The following PPP3CC variants were observed in gnomAD, a reference collection of about 807,000 sequenced individuals.
PPP3CC encodes the protein serine/threonine-protein phosphatase 2B catalytic subunit gamma isoform.
A neutral mutation model predicts 60.3 loss-of-function variants in PPP3CC; 35 were observed. The ratio of observed to expected loss-of-function variants is 0.58; its 90% CI spans 0.44 to 0.77. PPP3CC has a LOEUF of 0.77. PPP3CC is among the 30% of genes least tolerant of loss of function. The probability of loss-of-function intolerance (pLI) is 0.00; values close to 1 mark genes in which losing one functional copy is unlikely to be tolerated. For missense variants in PPP3CC, 570 were observed against 628.9 expected (o/e 0.91, Z 1.00); for synonymous variants, 206 against 224.3 (o/e 0.92, Z 0.73).
chr8:22,453,443 T>C (rs1357743684), intron 1 of PPP3CC, among the ~76,000 whole-genome samples: 3 of 152,184 alleles, frequency 2.0e-5, no homozygotes, highest in Non-Finnish European at 4.4e-5. Context: ...TCCCTTGGTA[T>C]ATGTGAGAGC....
rs1273169372 is a variant in PPP3CC, at chr8:22,449,341, TG to T, written c.49+7886del. ...GCCTGCACCTGTGGACCCAGCTACT[TG>T]GGAGGCTGAGGTGGGAGGATCACCT... On this transcript the variant is annotated intron_variant, in intron 1 of 13. Coordinates refer to ENST00000240139, the MANE Select transcript of PPP3CC (RefSeq NM_005605.5). Among the ~76,000 whole-genome samples the T allele has an allele frequency of 7.5e-5, 11 of 146,954 alleles. No individual in the cohort carries two copies. In the East Asian group the frequency reaches 1.8e-3, roughly 24 times the overall value.
intron 1 of PPP3CC, among the ~76,000 whole-genome samples, chr8:22,447,075 A>G (rs953259254): frequency 3.3e-5 from 5 of 150,922 alleles, no homozygotes; most frequent in Non-Finnish European, 7.4e-5. Context: ...TGGCGCGATC[A>G]TGGCTCGCTG....
intron 3 of PPP3CC, among the ~76,000 whole-genome samples, chr8:22,478,334 TA>T (rs1357262332): frequency 1.3e-5 from 2 of 151,438 alleles, no homozygotes; most frequent in Admixed American, 1.3e-4. Context: ...GTATTTTTAG[TA>T]GAGATGGGGT....
At chr8:22,468,104 TC>T (rs1174802326) in intron 1 of PPP3CC, among the ~76,000 whole-genome samples, 1 of 152,128 alleles carries the variant, frequency 6.6e-6, no homozygotes, top group Non-Finnish European at 1.5e-5. Context: ...TTCTAGTCAT[TC>T]TTTTTTTTGT....
At position 22,532,223 on chromosome 8, in the gene PPP3CC, A is replaced by G. The variant is rs1298168153; in HGVS notation, c.1142-2A>G. The stretch of plus-strand genomic sequence containing the variant: ...ACTTACTTATTCTTTGTATTCTCTA[A>G]GGAAGCACTACAGTTCGTAAGGAGA... On this transcript the variant is annotated splice_acceptor_variant, in intron 10 of 13. Coordinates refer to ENST00000240139, the MANE Select transcript of PPP3CC (RefSeq NM_005605.5). LOFTEE classifies it high-confidence loss of function. 3 of 1,606,570 alleles carry G rather than the reference A, an allele frequency of 1.9e-6. No homozygotes were observed. Among genetic ancestry groups the G allele is most frequent in the East Asian group, 2.2e-5 (1 of 44,828 alleles).
chr8:22,489,717 ATATT>A (rs1563731747), intron 3 of PPP3CC, among the ~76,000 whole-genome samples: 1 of 140,896 alleles, frequency 7.1e-6, no homozygotes, highest in African/African-American at 2.6e-5. Flanking sequence ...ATATAAGTAT[ATATT>A]ATATATTATA....
intron 3 of PPP3CC, among the ~76,000 whole-genome samples, chr8:22,483,913 T>G (rs1838146167): frequency 6.6e-6 from 1 of 152,092 alleles, no homozygotes; most frequent in South Asian, 2.1e-4. Context: ...CAATCATAGC[T>G]CACTATAACC....
At chr8:22,461,528 T>C (rs1018359072) in intron 1 of PPP3CC, among the ~76,000 whole-genome samples, 1 of 152,106 alleles carries the variant, frequency 6.6e-6, no homozygotes, top group Non-Finnish European at 1.5e-5. Context: ...GCATAACATT[T>C]TAAAAGGTAT....
At chr8:22,502,029 AAAAT>A (rs775296470) in intron 4 of PPP3CC, among the ~76,000 whole-genome samples, 55 of 152,128 alleles carry the variant, frequency 3.6e-4, no homozygotes, top group African/African-American at 1.3e-3. Context: ...CCTGTCCCTA[AAAAT>A]AAATAAATAA....
intron 1 of PPP3CC, among the ~76,000 whole-genome samples, chr8:22,472,781 C>A (rs1016449154): frequency 1.3e-5 from 2 of 152,198 alleles, no homozygotes; most frequent in African/African-American, 4.8e-5. Flanking sequence ...CCAAACCCTT[C>A]ACTGTGAGTT....
chr8:22,515,312 T>C (rs1275623236), intron 6 of PPP3CC, among the ~76,000 whole-genome samples: 1 of 152,232 alleles, frequency 6.6e-6, no homozygotes, highest in African/African-American at 2.4e-5. Flanking sequence ...CTCATTCTTT[T>C]CAATGGCTGA....
rs189161843 is a variant in PPP3CC, at chr8:22,476,873, A to C, written c.372+1249A>C. On this transcript the variant is annotated intron_variant, in intron 3 of 13. Coordinates refer to ENST00000240139, the MANE Select transcript of PPP3CC (RefSeq NM_005605.5). The stretch of plus-strand genomic sequence containing the variant: ...CGTGAACCTGGGAGACGGAGCTTGC[A>C]GTGAGCTGAGATCACGCCTCTGCAC... Among the ~76,000 whole-genome samples, 53 of 150,950 alleles carry C rather than the reference A, an allele frequency of 3.5e-4. No homozygotes were observed. The East Asian group carries it at 0.01, about 29-fold the overall frequency.
At chr8:22,510,178 G>A (rs1020616388) in intron 4 of PPP3CC, among the ~76,000 whole-genome samples, 2 of 99,006 alleles carry the variant, frequency 2.0e-5, no homozygotes, top group East Asian at 3.8e-4. Context: ...GCAAGACTCC[G>A]TCTCAAAAAA....
At position 22,511,044 on chromosome 8, in the gene PPP3CC, A is replaced by G; in HGVS notation, c.485-42A>G. On this transcript the variant is annotated intron_variant, in intron 4 of 13. Transcript: ENST00000240139. ...GCCTATATCCTTTTTCAAATGTGAT[A>G]CGTTTTAGTTCTTCCATTGACTGGT... 8 of 1,595,894 alleles carry G rather than the reference A, an allele frequency of 5.0e-6. No homozygotes were observed. In the South Asian group the frequency reaches 8.9e-5, roughly 18 times the overall value.
At chr8:22,496,101 A>T (rs2461492) in intron 3 of PPP3CC, among the ~76,000 whole-genome samples, 69,792 of 150,422 alleles carry the variant, frequency 0.46, 16,094 homozygotes, top group East Asian at 0.6. Flanking sequence ...TTTTTTTTTT[A>T]AAATGGCAAC....
At chr8:22,535,736 T>C (rs1366617501) in intron 12 of PPP3CC, among the ~76,000 whole-genome samples, 1 of 152,204 alleles carries the variant, frequency 6.6e-6, no homozygotes, top group African/African-American at 2.4e-5. Flanking sequence ...AAACCCATTT[T>C]TTTTCTTTTC....
chr8:22,479,139 T>A (rs1473716986), intron 3 of PPP3CC, among the ~76,000 whole-genome samples: 1 of 152,146 alleles, frequency 6.6e-6, no homozygotes, highest in Non-Finnish European at 1.5e-5. Flanking sequence ...AATAATTTTT[T>A]AATAAATATT....
intron 3 of PPP3CC, among the ~76,000 whole-genome samples, chr8:22,486,856 A>C (rs1838241212): frequency 6.6e-6 from 1 of 150,854 alleles, no homozygotes; most frequent in South Asian, 2.1e-4. Context: ...CACCCTCCCG[A>C]GTAGCTGGGA....
chr8:22,540,994 G>C lies in PPP3CC; in HGVS notation c.*192G>C. 1 of 424,146 alleles carries C rather than the reference G, an allele frequency of 2.4e-6. No homozygotes were observed. Among genetic ancestry groups the C allele is most frequent in the Admixed American group, 4.4e-5 (1 of 22,662 alleles). 26.3% of individuals were successfully genotyped at this position (424,146 alleles called of 1,614,324 possible). ...AATTTATGTTCAATATATATAAAAA[G>C]TGCATCTGTTTTGTTTTTCCCTTTT... On this transcript the variant is annotated 3_prime_UTR_variant, in exon 14 of 14. Transcript: ENST00000240139.
Sources: gnomAD v4.1 joint callset for allele counts (sites outside exome capture counted in the v4.1 genomes callset) on GRCh38, gnomAD v4.1.1 for gene constraint, MANE v1.5 for transcripts, NCBI Gene and HGNC (gene_info 2026-07-23, HGNC 2026-07-21) for gene names.